PHACTR1: variants seen among roughly 807,000 people sequenced by gnomAD.
The protein encoded by PHACTR1 is phosphatase and actin regulator 1, also known as RPEL repeat containing 1.
A neutral mutation model predicts 69.2 loss-of-function variants in PHACTR1; 16 were observed. The ratio of observed to expected loss-of-function variants is 0.23; its 90% confidence interval spans 0.16 to 0.35. The LOEUF is 0.35. PHACTR1 is among the 10% of genes least tolerant of loss of function. PHACTR1 has a pLI of 1.00. For missense variants in PHACTR1, 510 were observed against 734.7 expected, an observed-to-expected ratio of 0.69 and a Z score of 3.54; for synonymous variants, 312 against 284.5, an observed-to-expected ratio of 1.10 and a Z score of -0.97.
At chr6:13,094,484 G>T (rs538295519) in intron 5 of PHACTR1, among the ~76,000 whole-genome samples, 29 of 143,546 alleles carry the variant, frequency 2.0e-4, no homozygotes, top group East Asian at 1.8e-3. Context: ...TAGTAGAGAG[G>T]GGGGGTTTCA....
At chr6:12,861,613 A>G (rs1328224982) in intron 4 of PHACTR1, among the ~76,000 whole-genome samples, 1 of 152,230 alleles carries the variant, frequency 6.6e-6, no homozygotes, top group East Asian at 1.9e-4. Flanking sequence ...TAAGTAAAGG[A>G]GGAGCAGTGG....
At chr6:12,809,532 C>A (rs1241801486) in intron 4 of PHACTR1, among the ~76,000 whole-genome samples, 1 of 152,148 alleles carries the variant, frequency 6.6e-6, no homozygotes, top group African/African-American at 2.4e-5. Context: ...GCAGATAAAA[C>A]AAAACAAAAC....
rs76557714 is a variant in PHACTR1, at chr6:12,976,308, G to A, written c.251-77057G>A. On this transcript the variant is annotated intron_variant, in intron 4 of 14. Transcript: ENST00000332995. ...TAGGAAACAATCAAACAGGTAAAAC[G>A]TGAGTCTTTGGGTGAATTTTAAATA... is the stretch of plus-strand genomic sequence containing the variant. 9.3e-4 allele frequency among the ~76,000 whole-genome samples: 141 copies of A among 152,318 alleles called. 2 individuals carry two copies. The East Asian group carries it at 0.026, about 28-fold the overall frequency.
chr6:12,968,340 A>G (rs898870028), intron 4 of PHACTR1, among the ~76,000 whole-genome samples: 3 of 152,212 alleles, frequency 2.0e-5, no homozygotes, highest in African/African-American at 7.2e-5. Context: ...GAAAAGGAAA[A>G]GCAAAATTCT....
chr6:13,209,627 A>G (rs1272902910), intron 8 of PHACTR1, among the ~76,000 whole-genome samples: 2 of 152,238 alleles, frequency 1.3e-5, no homozygotes, highest in African/African-American at 4.8e-5. Flanking sequence ...CATTTGCACA[A>G]GTCATCTTAT....
chr6:13,017,719 T>G (rs1800391465), intron 4 of PHACTR1, among the ~76,000 whole-genome samples: 1 of 152,042 alleles, frequency 6.6e-6, no homozygotes, highest in African/African-American at 2.4e-5. Flanking sequence ...CCATTAATAG[T>G]GAAGAATAAT....
intron 3 of PHACTR1, among the ~76,000 whole-genome samples, chr6:12,729,423 A>G (rs1763200825): frequency 6.6e-6 from 1 of 152,198 alleles, no homozygotes; most frequent in South Asian, 2.1e-4. Context: ...AGGATAAAAA[A>G]GAATACTCTG....
intron 4 of PHACTR1, among the ~76,000 whole-genome samples, chr6:12,959,222 C>G (rs1270475389): frequency 1.0e-5 from 1 of 96,310 alleles, no homozygotes; most frequent in African/African-American, 4.3e-5. Context: ...GAAAAGAAAA[C>G]AGAAACAACT....
intron 4 of PHACTR1, among the ~76,000 whole-genome samples, chr6:13,000,808 A>G (rs1367982691): frequency 6.6e-6 from 1 of 152,204 alleles, no homozygotes; most frequent in Non-Finnish European, 1.5e-5. Flanking sequence ...TCTCACTTCA[A>G]TCTAGAGTGT....
At chr6:12,803,473 A>G (rs1456453247) in intron 4 of PHACTR1, among the ~76,000 whole-genome samples, 1 of 152,216 alleles carries the variant, frequency 6.6e-6, no homozygotes, top group Non-Finnish European at 1.5e-5. Flanking sequence ...GAGGAAATTA[A>G]GGGTCACAAA....
chr6:12,956,329 G>T (rs139080059), intron 4 of PHACTR1, among the ~76,000 whole-genome samples: 82 of 152,262 alleles, frequency 5.4e-4, no homozygotes, highest in African/African-American at 1.8e-3. Flanking sequence ...GATGCTTTAG[G>T]TGTTACCCTC....
chr6:13,265,559 G>C (rs1776560918), intron 10 of PHACTR1, among the ~76,000 whole-genome samples: 1 of 152,174 alleles, frequency 6.6e-6, no homozygotes, highest in African/African-American at 2.4e-5. Context: ...GTTAGTTAAT[G>C]AGAGTACTCT....
chr6:12,877,444 G>A (rs1278069240), intron 4 of PHACTR1, among the ~76,000 whole-genome samples: 1 of 152,000 alleles, frequency 6.6e-6, no homozygotes, highest in East Asian at 1.9e-4. Flanking sequence ...ACACTATGTC[G>A]GTGAACTGGA....
chr6:12,733,964 T>C (rs1245586706), intron 3 of PHACTR1, among the ~76,000 whole-genome samples: 3 of 152,238 alleles, frequency 2.0e-5, no homozygotes, highest in African/African-American at 7.2e-5. Context: ...ATTCAAATAA[T>C]AGAAATCTGC....
chr6:12,872,167 G>C (rs1001909109), intron 4 of PHACTR1, among the ~76,000 whole-genome samples: 11 of 152,068 alleles, frequency 7.2e-5, no homozygotes, highest in African/African-American at 2.7e-4. Flanking sequence ...CTAGAAATAC[G>C]TAAGTGTATT....
At chr6:12,776,268 A>C (rs980573241) in intron 4 of PHACTR1, among the ~76,000 whole-genome samples, 6 of 152,228 alleles carry the variant, frequency 3.9e-5, no homozygotes, top group Non-Finnish European at 8.8e-5. Flanking sequence ...GAAGAAAAAC[A>C]TGAGAATTTT....
At position 12,768,809 on chromosome 6, in the gene PHACTR1, T is replaced by TACAC. The variant is rs4053038; in HGVS notation, c.250+19069_250+19072dup. Among the ~76,000 whole-genome samples the TACAC allele has an allele frequency of 5.2e-3, 643 of 123,342 alleles. 1 individual carries two copies. Among genetic ancestry groups the TACAC allele is most frequent in the South Asian group, 0.013 (42 of 3,122 alleles). 80.9% of individuals were successfully genotyped at this position (123,342 alleles called of 152,430 possible). ...GAATGGATAAAGAAAATGTGCTATC[T>TACAC]ACACACACACACACACACACACACA... is the stretch of plus-strand genomic sequence containing the variant. On this transcript the variant is annotated intron_variant, in intron 4 of 14. Transcript: ENST00000332995.
At chr6:12,762,623 T>C (rs1402532559) in intron 4 of PHACTR1, among the ~76,000 whole-genome samples, 1 of 152,188 alleles carries the variant, frequency 6.6e-6, no homozygotes, top group Admixed American at 6.5e-5. Flanking sequence ...TTCTGAAATC[T>C]TAGCCAAAGA....
chr6:13,013,554 A>T (rs1440432949), intron 4 of PHACTR1, among the ~76,000 whole-genome samples: 1 of 152,182 alleles, frequency 6.6e-6, no homozygotes. Context: ...GCAGGCTCTC[A>T]GTAGCTGGTG....
Sources: gnomAD v4.1 joint callset for allele counts (sites outside exome capture counted in the v4.1 genomes callset) on GRCh38, gnomAD v4.1.1 for gene constraint, MANE v1.5 for transcripts, NCBI Gene and HGNC (gene_info 2026-07-23, HGNC 2026-07-21) for gene names.